C10orf105: variants seen among roughly 807,000 people sequenced by gnomAD.
C10orf105 encodes uncharacterized protein C10orf105.
C10orf105 carries 2 observed loss-of-function variants against 0.6 expected under a neutral mutation model. The ratio of observed to expected loss-of-function variants is 3.18; its 90% CI spans 1.30 to 10.01. C10orf105 has a LOEUF of 10.01. C10orf105 is among the 30% of genes most tolerant of loss of function. C10orf105 has a pLI of 0.04. For missense variants in C10orf105, 209 were observed against 191.4 expected (o/e 1.09, Z -0.54); for synonymous variants, 95 against 82.4 (o/e 1.15, Z -0.83).
chr10:71,729,897 C>T (rs1194467058), intron 1 of C10orf105, among the ~76,000 whole-genome samples: 5 of 151,526 alleles, frequency 3.3e-5, no homozygotes, highest in African/African-American at 9.7e-5. Flanking sequence ...TGCAGTGGCG[C>T]GATCTTGGTT....
At chr10:71,727,131 C>T (rs1171897210) in intron 1 of C10orf105, among the ~76,000 whole-genome samples, 3 of 152,230 alleles carry the variant, frequency 2.0e-5, no homozygotes, top group African/African-American at 7.2e-5. Flanking sequence ...CTCCGTAACC[C>T]TCATAATAGC....
chr10:71,733,016 C>T (rs1485503530), intron 1 of C10orf105, among the ~76,000 whole-genome samples: 1 of 152,216 alleles, frequency 6.6e-6, no homozygotes, highest in African/African-American at 2.4e-5. Flanking sequence ...ACAAAACTGC[C>T]TCCACTTCAG....
Position 71,713,455 on chromosome 10 carries a change from G to T in C10orf105, c.*2481C>A. 1.7e-6 allele frequency: 1 copy of T among 591,276 alleles called. No homozygotes were observed. Among genetic ancestry groups the T allele is most frequent in the South Asian group, 2.0e-5 (1 of 49,436 alleles). The allele number at this position is 591,276 out of a possible 1,614,324, so 36.6% of individuals were successfully genotyped here. A position where few individuals can be genotyped will look rare whatever the true frequency, so the allele number is the denominator to read the frequency against. ...AGGCTGAGCCAAACAGGGAATCTGG[G>T]CCTGCCCACTGGGGCAGGCTCCCGG... On this transcript the variant is annotated 3_prime_UTR_variant, in exon 2 of 2. Transcript: ENST00000441508.
rs2132757946 is a variant in C10orf105 at position 71,711,912 on chromosome 10, AG to A, written c.*4023del. 1 of 152,256 alleles carries A rather than the reference AG, an allele frequency of 6.6e-6. No individual in the cohort carries two copies. The highest frequency in any genetic ancestry group is 2.1e-4 in the South Asian group (1 of 4,818). 9.4% of individuals were successfully genotyped at this position (152,256 alleles called of 1,614,324 possible). A position where few individuals can be genotyped will look rare whatever the true frequency, so the allele number is the denominator to read the frequency against. Reference sequence around the variant, plus strand: ...TGACAGCAGTTGGCTTTTTGCTCTTAGTACCTGTATCTGCATCCTAAATTTG... The same window carrying A: ...TGACAGCAGTTGGCTTTTTGCTCTTATACCTGTATCTGCATCCTAAATTTG... On this transcript the variant is annotated 3_prime_UTR_variant, in exon 2 of 2. Transcript: ENST00000441508.
intron 1 of C10orf105, chr10:71,717,138 G>A (rs866078262): frequency 2.6e-5 from 4 of 152,416 alleles, no homozygotes; most frequent in South Asian, 4.1e-4. Flanking sequence ...TCCGAAGAGG[G>A]GATTTGGCAT....
chr10:71,736,864 C>T (rs1769903264), intron 1 of C10orf105, among the ~76,000 whole-genome samples: 1 of 152,110 alleles, frequency 6.6e-6, no homozygotes, highest in African/African-American at 2.4e-5. Flanking sequence ...GAGAGAAAGC[C>T]TATAATAAGG....
Position 71,712,724 on chromosome 10 carries a change from G to A in C10orf105, c.*3212C>T. The A allele has an allele frequency of 6.2e-7, 1 of 1,613,752 alleles. No individual in the cohort carries two copies. Among genetic ancestry groups the A allele is most frequent in the South Asian group, 1.1e-5 (1 of 91,068 alleles). On this transcript the variant is annotated 3_prime_UTR_variant, in exon 2 of 2. Coordinates refer to ENST00000441508, the MANE Select transcript of C10orf105 (RefSeq NM_001164375.3). ...AGCCACCGTGTTCGTCACTGTCCTG[G>A]ATGTGAATGACAACCGGCCCATCTT...
exon 1 of C10orf105, chr10:71,737,781 C>T (rs574760111): frequency 9.2e-5 from 43 of 468,770 alleles, no homozygotes; most frequent in Non-Finnish European, 1.5e-4. Flanking sequence ...AGGCCTCACC[C>T]GCGGCAGGCC....
chr10:71,726,386 C>T (rs994847679), intron 1 of C10orf105, among the ~76,000 whole-genome samples: 3 of 152,170 alleles, frequency 2.0e-5, no homozygotes, highest in Non-Finnish European at 2.9e-5. Context: ...AAACAATGAG[C>T]GGTGGTCACC....
In C10orf105 at chr10:71,712,641, C is replaced by G. The variant is rs768305516; in HGVS notation, c.*3295G>C. On this transcript the variant is annotated 3_prime_UTR_variant, in exon 2 of 2. Coordinates refer to ENST00000441508, the MANE Select transcript of C10orf105 (RefSeq NM_001164375.3). ...CCCCTCTCTCAGGCAGCTGCTAACA[C>G]CTGTCTTCCTTCAACTCCCACAGAC... 1 of 1,611,970 alleles carries G rather than the reference C, an allele frequency of 6.2e-7. No homozygotes were observed. The highest frequency in any genetic ancestry group is 2.2e-5 in the East Asian group (1 of 44,822).
At chr10:71,729,245 T>G (rs1866952307) in intron 1 of C10orf105, among the ~76,000 whole-genome samples, 1 of 152,132 alleles carries the variant, frequency 6.6e-6, no homozygotes, top group Non-Finnish European at 1.5e-5. Context: ...ATTGCACAAT[T>G]CAGAAACAGC....
chr10:71,723,965 G>C, upstream of C10orf105: 1 of 1,491,622 alleles, frequency 6.7e-7, no homozygotes, highest in Non-Finnish European at 9.1e-7. Flanking sequence ...TGCGTGAAGG[G>C]AAGGAAAGGA....
intron 1 of C10orf105, chr10:71,734,445 C>A: frequency 6.8e-7 from 1 of 1,473,172 alleles, no homozygotes. Flanking sequence ...GGCCAGGCAG[C>A]GGGCGAGGGT....
rs988572498 is a variant in C10orf105 at position 71,714,628 on chromosome 10, T to C, written c.*1308A>G. 5 of 152,228 alleles carry C rather than the reference T, an allele frequency of 3.3e-5. No individual in the cohort carries two copies. The highest frequency in any genetic ancestry group is 1.2e-4 in the African/African-American group (5 of 41,454). 9.4% of individuals were successfully genotyped at this position (152,228 alleles called of 1,614,324 possible). A position where few individuals can be genotyped will look rare whatever the true frequency, so the allele number is the denominator to read the frequency against. On this transcript the variant is annotated 3_prime_UTR_variant, in exon 2 of 2. Coordinates refer to ENST00000441508, the MANE Select transcript of C10orf105 (RefSeq NM_001164375.3). ...ATCAAGATGAGGCTAGAAAGATTAA[T>C]TGGAGCCAGCTCCCAGAGGGCACTG...
intron 1 of C10orf105, chr10:71,732,553 G>A (rs1244413871): frequency 7.6e-7 from 1 of 1,316,266 alleles, no homozygotes; most frequent in Admixed American, 2.5e-5. Flanking sequence ...GATTGCTTCA[G>A]CTCAGGAGTT....
At position 71,712,666 on chromosome 10, in the gene C10orf105, C is replaced by CAACG; in HGVS notation, c.*3266_*3269dup. The CAACG allele has an allele frequency of 6.2e-7, 1 of 1,613,442 alleles. No individual in the cohort carries two copies. Among genetic ancestry groups the CAACG allele is most frequent in the Non-Finnish European group, 8.5e-7 (1 of 1,179,768 alleles). ...CCTGTCTTCCTTCAACTCCCACAGA[C>CAACG]AACGGCCCTGTAGGGAAGCGACACA... On this transcript the variant is annotated 3_prime_UTR_variant, in exon 2 of 2. Coordinates refer to ENST00000441508, the MANE Select transcript of C10orf105 (RefSeq NM_001164375.3).
intron 1 of C10orf105, among the ~76,000 whole-genome samples, chr10:71,719,228 C>T (rs932855227): frequency 1.3e-5 from 2 of 152,208 alleles, no homozygotes; most frequent in Non-Finnish European, 2.9e-5. Flanking sequence ...CCTTGACACC[C>T]GGCTACTGAC....
chr10:71,724,306 T>G (rs1468949366), upstream of C10orf105, among the ~76,000 whole-genome samples: 1 of 152,176 alleles, frequency 6.6e-6, no homozygotes, highest in Non-Finnish European at 1.5e-5. Context: ...TGATTATTTG[T>G]TTTTGAGACG....
intron 1 of C10orf105, chr10:71,725,324 G>A (rs1201767965): frequency 1.9e-6 from 3 of 1,613,322 alleles, no homozygotes; most frequent in African/African-American, 1.3e-5. Context: ...CACAGCAGGA[G>A]ACTTCTGGGC....
Sources: gnomAD v4.1 joint callset for allele counts (sites outside exome capture counted in the v4.1 genomes callset) on GRCh38, gnomAD v4.1.1 for gene constraint, MANE v1.5 for transcripts, NCBI Gene and HGNC (gene_info 2026-07-23, HGNC 2026-07-21) for gene names.